TUSC3: variants seen among roughly 807,000 people sequenced by gnomAD.
TUSC3 encodes the protein tumor suppressor candidate 3, also known as dolichyl-diphosphooligosaccharide--protein glycosyltransferase subunit TUSC3.
In TUSC3, 45 loss-of-function variants were observed where a neutral mutation model predicts 44.8. That is an observed-to-expected ratio of 1.00 (90% CI 0.79 to 1.29). TUSC3 has a LOEUF of 1.29. TUSC3 is among the 50% of genes most tolerant of loss of function. The pLI is 0.00. For synonymous variants in TUSC3, 212 were observed against 152.9 expected (o/e 1.39, Z -2.85); for missense variants, 519 against 437.9 (o/e 1.19, Z -1.65).
At chr8:15,575,874 C>T (rs1803080935) in intron 1 of TUSC3, among the ~76,000 whole-genome samples, 1 of 151,916 alleles carries the variant, frequency 6.6e-6, no homozygotes, top group African/African-American at 2.4e-5. Flanking sequence ...AAATTGCTTC[C>T]ATGCCCAAGA....
chr8:15,845,081 TA>T, the TUSC3 span, among the ~76,000 whole-genome samples: 1 of 152,174 alleles, frequency 6.6e-6, no homozygotes, highest in Non-Finnish European at 1.5e-5. Context: ...CAAGCCTATC[TA>T]AAAAGTTACT....
chr8:15,778,935 A>G, the TUSC3 span, among the ~76,000 whole-genome samples: 2 of 152,086 alleles, frequency 1.3e-5, no homozygotes, highest in African/African-American at 4.8e-5. Context: ...TTATATTTGA[A>G]CATGAAACCC....
chr8:15,688,371 TAGTA>T (rs1230005289), intron 6 of TUSC3, among the ~76,000 whole-genome samples: 5 of 152,128 alleles, frequency 3.3e-5, no homozygotes, highest in South Asian at 2.1e-4. Context: ...TCTCTGACTT[TAGTA>T]AGTTTTTCGT....
intron 6 of TUSC3, among the ~76,000 whole-genome samples, chr8:15,683,253 T>A (rs2129186465): frequency 6.6e-6 from 1 of 152,334 alleles, no homozygotes; most frequent in South Asian, 2.1e-4. Context: ...TTTCCATGTT[T>A]TCTGCTTTCT....
At chr8:15,595,297 C>G (rs968731293) in intron 1 of TUSC3, among the ~76,000 whole-genome samples, 2 of 152,132 alleles carry the variant, frequency 1.3e-5, no homozygotes, top group Non-Finnish European at 2.9e-5. Flanking sequence ...CTCTAGATTT[C>G]CAGGCTTCTC....
At chr8:15,522,522 C>T (rs572510476) in intron 2 of TUSC3, among the ~76,000 whole-genome samples, 1 of 151,728 alleles carries the variant, frequency 6.6e-6, no homozygotes, top group Middle Eastern at 3.2e-3. Context: ...TATGAGCCAC[C>T]ATGCCCAGCC....
chr8:15,746,001 C>T (rs1486444346), intron 8 of TUSC3, among the ~76,000 whole-genome samples: 1 of 152,070 alleles, frequency 6.6e-6, no homozygotes. Context: ...ATCCCAGCAA[C>T]ATTTATTGGA....
the TUSC3 span, among the ~76,000 whole-genome samples, chr8:15,784,285 G>A: frequency 6.6e-6 from 1 of 152,112 alleles, no homozygotes; most frequent in Non-Finnish European, 1.5e-5. Context: ...AAAACAATGT[G>A]AAGGTTCCTC....
chr8:15,768,231 A>T (rs959225080), downstream of TUSC3, among the ~76,000 whole-genome samples: 1 of 152,160 alleles, frequency 6.6e-6, no homozygotes, highest in Non-Finnish European at 1.5e-5. Context: ...AGGCTAATGG[A>T]ATAAATACAC....
At chr8:15,430,464 T>C (rs1161330580) in intron 1 of TUSC3, among the ~76,000 whole-genome samples, 2 of 150,558 alleles carry the variant, frequency 1.3e-5, no homozygotes, top group African/African-American at 4.9e-5. Flanking sequence ...AATTAAGTAT[T>C]GATGGGATGT....
chr8:15,610,678 A>C (rs932283500), intron 1 of TUSC3, among the ~76,000 whole-genome samples: 4 of 152,212 alleles, frequency 2.6e-5, no homozygotes, highest in African/African-American at 9.6e-5. Flanking sequence ...TGGCAAATTG[A>C]AGTAAACCCC....
At chr8:15,823,653 C>T in the TUSC3 span, among the ~76,000 whole-genome samples, 2 of 152,048 alleles carry the variant, frequency 1.3e-5, no homozygotes, top group African/African-American at 2.4e-5. Flanking sequence ...AAAGTTTCTC[C>T]ATATAAAATG....
At chr8:15,795,497 C>T in the TUSC3 span, among the ~76,000 whole-genome samples, 3 of 152,152 alleles carry the variant, frequency 2.0e-5, no homozygotes, top group South Asian at 6.2e-4. Context: ...CTTACCCCTC[C>T]AGGAGACTCT....
At chr8:15,508,036 G>C (rs1203413981) in intron 2 of TUSC3, among the ~76,000 whole-genome samples, 1 of 152,116 alleles carries the variant, frequency 6.6e-6, no homozygotes, top group African/African-American at 2.4e-5. Context: ...GAAGCCAGGA[G>C]TTCACGGCCA....
At chr8:15,686,539 C>T (rs1051867765) in intron 6 of TUSC3, among the ~76,000 whole-genome samples, 5 of 151,574 alleles carry the variant, frequency 3.3e-5, no homozygotes, top group Non-Finnish European at 7.4e-5. Flanking sequence ...GTACTTTATC[C>T]AACTTTCTTC....
chr8:15,432,993 G>A (rs1708280137), intron 1 of TUSC3, among the ~76,000 whole-genome samples: 1 of 152,102 alleles, frequency 6.6e-6, no homozygotes, highest in South Asian at 2.1e-4. Context: ...CCCTTCCCCT[G>A]CCAGGAGTAC....
the TUSC3 span, among the ~76,000 whole-genome samples, chr8:15,839,093 C>A: frequency 6.6e-6 from 1 of 152,016 alleles, no homozygotes; most frequent in Admixed American, 6.6e-5. Context: ...AAGTTGGATT[C>A]CTAGGTATTT....
intron 6 of TUSC3, among the ~76,000 whole-genome samples, chr8:15,693,726 T>C (rs923216608): frequency 6.6e-6 from 1 of 152,140 alleles, no homozygotes. Flanking sequence ...ACGGATGATA[T>C]TCTGAAATAC....
chr8:15,715,124 A>G (rs1810006483), intron 6 of TUSC3, among the ~76,000 whole-genome samples: 1 of 152,086 alleles, frequency 6.6e-6, no homozygotes. Flanking sequence ...TAAATTAAAT[A>G]ATCTTTATAC....
Sources: allele counts gnomAD v4.1 joint callset (sites outside exome capture counted in the v4.1 genomes callset), GRCh38; gene constraint gnomAD v4.1.1; transcripts MANE v1.5; gene names NCBI Gene and HGNC (gene_info 2026-07-23, HGNC 2026-07-21).